PDE5A: variants seen among roughly 807,000 people sequenced by gnomAD.
The protein encoded by PDE5A is cGMP-specific 3',5'-cyclic phosphodiesterase.
PDE5A carries 67 observed loss-of-function variants against 110.2 expected under a neutral mutation model. That is an observed-to-expected ratio of 0.61 (90% confidence interval 0.50 to 0.75). The LOEUF (loss-of-function observed/expected upper bound fraction) is 0.75, where lower values mean the gene tolerates loss of function less well. PDE5A is among the 30% of genes least tolerant of loss of function. The pLI, the probability that PDE5A is intolerant of heterozygous loss-of-function variation, is 0.00. For synonymous variants in PDE5A, 328 were observed against 351.2 expected, an observed-to-expected ratio of 0.93 and a Z score of 0.74; for missense variants, 862 against 1,045.1, an observed-to-expected ratio of 0.82 and a Z score of 2.42.
chr4:119,588,045 A>G (rs896372418), intron 3 of PDE5A, among the ~76,000 whole-genome samples: 2 of 152,138 alleles, frequency 1.3e-5, no homozygotes, highest in Non-Finnish European at 2.9e-5. Context: ...GGATTTCTCT[A>G]GCTTCCCTAG....
chr4:119,538,845 G>T (rs1726820504), intron 11 of PDE5A, 115 bp downstream of exon 11: 1 of 818,570 alleles, frequency 1.2e-6, no homozygotes, highest in African/African-American at 1.7e-5. Context: ...TTGCATCCCT[G>T]CAAGAAAGCA....
intron 6 of PDE5A, among the ~76,000 whole-genome samples, chr4:119,560,963 T>C (rs1047167139): frequency 6.6e-6 from 1 of 152,076 alleles, no homozygotes; most frequent in Non-Finnish European, 1.5e-5. Flanking sequence ...CTACTAAAAA[T>C]ACAAAAATTA....
chr4:119,542,314 G>C (rs1726958128), intron 10 of PDE5A, 145 bp downstream of exon 10: 1 of 652,350 alleles, frequency 1.5e-6, no homozygotes, highest in Non-Finnish European at 2.6e-6. Flanking sequence ...TTTAGTTGAG[G>C]ACAATAAGGA....
chr4:119,565,628 AG>A (rs1299044998), intron 4 of PDE5A, among the ~76,000 whole-genome samples: 1 of 152,092 alleles, frequency 6.6e-6, no homozygotes, highest in Non-Finnish European at 1.5e-5. Context: ...GAAAAAGGAG[AG>A]GAACTAAGAT....
chr4:119,627,251 G>A lies in PDE5A; in HGVS notation c.152+1269C>T. The A allele has an allele frequency of 6.2e-7, 1 of 1,602,810 alleles. No individual in the cohort carries two copies. ...AGGCTCCGTAGGGGCAACAACGCGC[G>A]CAGGTGAGGTGAGGTGAGGTCGGCG... On this transcript the variant is annotated intron_variant, in intron 1 of 20. Transcript: ENST00000354960. This position sits in a 1 kb window ranked among gnomAD's most constrained non-coding sequence, Gnocchi z 4.6.
intron 3 of PDE5A, among the ~76,000 whole-genome samples, chr4:119,575,923 T>C (rs1346352883): frequency 6.6e-6 from 1 of 152,190 alleles, no homozygotes; most frequent in East Asian, 1.9e-4. Flanking sequence ...CCCATCAGTG[T>C]GCTGTATTCA....
chr4:119,538,877 A>G, intron 11 of PDE5A, 83 bp downstream of exon 11: 2 of 956,626 alleles, frequency 2.1e-6, no homozygotes, highest in South Asian at 2.6e-5. Context: ...ACATTTTTAT[A>G]AGTATCCATC....
At chr4:119,571,598 C>T (rs946830861) in intron 3 of PDE5A, among the ~76,000 whole-genome samples, 1 of 152,136 alleles carries the variant, frequency 6.6e-6, no homozygotes, top group African/African-American at 2.4e-5. Context: ...TTTTAGCCCA[C>T]TGGGAATTAT....
At chr4:119,587,666 G>A (rs1728811972) in intron 3 of PDE5A, among the ~76,000 whole-genome samples, 1 of 152,172 alleles carries the variant, frequency 6.6e-6, no homozygotes, top group South Asian at 2.1e-4. Flanking sequence ...TTACAGGTGT[G>A]AGCCACCATG....
chr4:119,495,285 G>C lies in PDE5A; in HGVS notation c.*3316C>G, dbSNP rs201713990. On this transcript the variant is annotated 3_prime_UTR_variant, in exon 21 of 21. Coordinates refer to ENST00000354960, the MANE Select transcript of PDE5A (RefSeq NM_001083.4). ...GGGTCACTGCTCTGTCTCCACAGCA[G>C]AGCACGGTACCTAACATGTGGCAGG... 1.3e-5 allele frequency: 2 copies of C among 152,120 alleles called. No individual in the cohort carries two copies. Among genetic ancestry groups the C allele is most frequent in the Non-Finnish European group, 2.9e-5 (2 of 68,028 alleles). 9.4% of individuals were successfully genotyped at this position (152,120 alleles called of 1,614,324 possible).
chr4:119,590,501 C>T (rs2110530554), intron 3 of PDE5A, among the ~76,000 whole-genome samples: 1 of 152,152 alleles, frequency 6.6e-6, no homozygotes, highest in Admixed American at 6.5e-5. Context: ...TTTCTTTTTC[C>T]ACTTTGCCCA....
At chr4:119,558,151 A>C (rs10031926) in intron 7 of PDE5A, among the ~76,000 whole-genome samples, 3,440 of 152,192 alleles carry the variant, frequency 0.023, 133 homozygotes, top group African/African-American at 0.078. Flanking sequence ...AAAACTTCCC[A>C]CCATGTGGAA....
Position 119,553,736 on chromosome 4 carries a change from C to T in PDE5A, c.1210G>A (p.Ala404Thr), listed in dbSNP as rs202181651. ...GCATACATGTAATTGATTTTGTTTG[C>T]ATCATGTTCCCTGTGAAAATAACAG... ...SSDTLTREHDANKINYMYAQY... is the reference protein window; with the variant it reads ...SSDTLTREHDTNKINYMYAQY... Residue 404 changes from alanine to threonine, a missense_variant, in exon 8 of 21, where the codon GCA (alanine) becomes ACA (threonine). Ala to Thr is a moderately conservative substitution (Grantham distance 58). Transcript: ENST00000354960. 4.5e-6 allele frequency: 7 copies of T among 1,558,358 alleles called. No individual in the cohort carries two copies. The highest frequency in any genetic ancestry group is 1.1e-5 in the South Asian group (1 of 89,700).
At chr4:119,514,454 A>G (rs775677557) in intron 14 of PDE5A, among the ~76,000 whole-genome samples, 1 of 147,688 alleles carries the variant, frequency 6.8e-6, no homozygotes, top group Non-Finnish European at 1.5e-5. Flanking sequence ...TCAAATCATC[A>G]CTATTGCTTT....
At chr4:119,505,055 A>C (rs1725508183) in intron 17 of PDE5A, among the ~76,000 whole-genome samples, 2 of 152,088 alleles carry the variant, frequency 1.3e-5, no homozygotes, top group Admixed American at 1.3e-4. Context: ...ACACATGGTA[A>C]CTTCTAAATG....
At chr4:119,541,102 A>G (rs1726910824) in intron 10 of PDE5A, among the ~76,000 whole-genome samples, 1 of 152,054 alleles carries the variant, frequency 6.6e-6, no homozygotes, top group Non-Finnish European at 1.5e-5. Context: ...GAATGGATGG[A>G]GTGATAATGG....
At chr4:119,557,720 C>T (rs76591879) in intron 7 of PDE5A, among the ~76,000 whole-genome samples, 1,940 of 152,186 alleles carry the variant, frequency 0.013, 37 homozygotes, top group African/African-American at 0.041. Flanking sequence ...GAAACTGAGG[C>T]TTTGAGAGAT....
At chr4:119,504,621 CA>C (rs753437530) in intron 17 of PDE5A, 22 bp from the exon 18 acceptor site, 108 of 1,600,976 alleles carry the variant, frequency 6.7e-5, no homozygotes, top group Non-Finnish European at 8.6e-5. Flanking sequence ...AAAAGAAACC[CA>C]AAACTCCTAT....
intron 3 of PDE5A, among the ~76,000 whole-genome samples, chr4:119,584,529 C>G (rs932617257): frequency 1.3e-5 from 2 of 152,188 alleles, no homozygotes; most frequent in Non-Finnish European, 2.9e-5. Flanking sequence ...ACAAAGTACT[C>G]TCTCTGCTTA....
Sources: gnomAD v4.1 joint callset for allele counts (sites outside exome capture counted in the v4.1 genomes callset) on GRCh38, gnomAD v4.1.1 for gene constraint, Gnocchi (gnomAD v3.1) non-coding constraint, MANE v1.5 for transcripts, NCBI Gene and HGNC (gene_info 2026-07-23, HGNC 2026-07-21) for gene names.